The following HS6ST3 variants were observed in gnomAD, a reference collection of about 807,000 sequenced individuals.
HS6ST3 encodes the protein heparan-sulfate 6-O-sulfotransferase 3.
A neutral mutation model predicts 36.7 loss-of-function variants in HS6ST3; 12 were observed. The ratio of observed to expected loss-of-function variants is 0.33; its 90% CI spans 0.21 to 0.53. HS6ST3 has a LOEUF of 0.53. HS6ST3 is among the 20% of genes least tolerant of loss of function. The probability of loss-of-function intolerance (pLI) is 0.95; values close to 1 mark genes in which losing one functional copy is unlikely to be tolerated. For synonymous variants in HS6ST3, 240 were observed against 257.5 expected, an observed-to-expected ratio of 0.93 and a Z score of 0.65; for missense variants, 584 against 640.9, an observed-to-expected ratio of 0.91 and a Z score of 0.96.
chr13:96,507,925 G>A (rs2056033183), intron 1 of HS6ST3, among the ~76,000 whole-genome samples: 1 of 152,050 alleles, frequency 6.6e-6, no homozygotes, highest in East Asian at 1.9e-4. Context: ...AAATTCAGGT[G>A]GGTACTTTAC....
chr13:96,677,951 T>C lies in HS6ST3; in HGVS notation c.708-154539T>C, dbSNP rs187347470. Among the ~76,000 whole-genome samples, 9 of 152,278 alleles carry C rather than the reference T, an allele frequency of 5.9e-5. No homozygotes were observed. In the East Asian group the frequency reaches 1.4e-3, roughly 23 times the overall value. On this transcript the variant is annotated intron_variant, in intron 1 of 1. Coordinates refer to ENST00000376705, the MANE Select transcript of HS6ST3 (RefSeq NM_153456.4). ...ATACCATTTTTAATATGCATGTTCT[T>C]AGTCCATTTCATGCTGCTGTAACAG... is the stretch of plus-strand genomic sequence containing the variant.
intron 1 of HS6ST3, among the ~76,000 whole-genome samples, chr13:96,211,901 T>C (rs1483317029): frequency 6.6e-6 from 1 of 152,092 alleles, no homozygotes; most frequent in Admixed American, 6.6e-5. Context: ...CCCCAGAGGA[T>C]GAGATAAATG....
chr13:96,492,295 C>T (rs145615374), intron 1 of HS6ST3, among the ~76,000 whole-genome samples: 660 of 152,314 alleles, frequency 4.3e-3, no homozygotes, highest in Non-Finnish European at 5.9e-3. Flanking sequence ...ACTCTCAGTT[C>T]TCTCAGCCAA....
chr13:96,287,813 A>C (rs1331886073), intron 1 of HS6ST3, among the ~76,000 whole-genome samples: 1 of 152,128 alleles, frequency 6.6e-6, no homozygotes, highest in East Asian at 1.9e-4. Context: ...TAATGAAAAA[A>C]ATCATAGCAA....
chr13:96,636,069 T>C (rs1477114443), intron 1 of HS6ST3, among the ~76,000 whole-genome samples: 1 of 152,176 alleles, frequency 6.6e-6, no homozygotes, highest in Non-Finnish European at 1.5e-5. Flanking sequence ...AGGCACAGAC[T>C]ACTTCATCGA....
intron 1 of HS6ST3, among the ~76,000 whole-genome samples, chr13:96,294,253 A>T (rs2054843889): frequency 3.9e-5 from 6 of 152,178 alleles, no homozygotes; most frequent in Admixed American, 2.0e-4. Flanking sequence ...CCAATACAAC[A>T]TTTAGATTAA....
chr13:96,109,693 C>T (rs1469725204), intron 1 of HS6ST3, among the ~76,000 whole-genome samples: 1 of 152,044 alleles, frequency 6.6e-6, no homozygotes, highest in Non-Finnish European at 1.5e-5. Context: ...GAAGGAAAGG[C>T]CTAGAAATGA....
chr13:96,640,388 C>A (rs2056566370), intron 1 of HS6ST3, among the ~76,000 whole-genome samples: 2 of 151,776 alleles, frequency 1.3e-5, no homozygotes, highest in South Asian at 4.2e-4. Flanking sequence ...TTGCTCATGT[C>A]TTTTGTCCAT....
intron 1 of HS6ST3, among the ~76,000 whole-genome samples, chr13:96,777,739 C>T (rs527932377): frequency 3.9e-5 from 6 of 152,178 alleles, no homozygotes; most frequent in South Asian, 2.1e-4. Context: ...ATGAAAATGG[C>T]GATACTGCCC....
chr13:96,510,297 G>C (rs895911928), intron 1 of HS6ST3, among the ~76,000 whole-genome samples: 11 of 151,914 alleles, frequency 7.2e-5, no homozygotes, highest in African/African-American at 2.4e-4. Context: ...GATTTTCTGG[G>C]TATACAGTCA....
intron 1 of HS6ST3, among the ~76,000 whole-genome samples, chr13:96,581,758 A>C (rs764196410): frequency 6.6e-6 from 1 of 152,198 alleles, no homozygotes; most frequent in Non-Finnish European, 1.5e-5. Flanking sequence ...AAGAGGAAAT[A>C]TGGATTCATG....
chr13:96,593,986 C>T (rs547946439), intron 1 of HS6ST3, among the ~76,000 whole-genome samples: 4 of 148,874 alleles, frequency 2.7e-5, no homozygotes, highest in East Asian at 2.0e-4. Flanking sequence ...GGTGGAATTT[C>T]GCTCTTGTTT....
Position 96,612,302 on chromosome 13 carries a change from C to A in HS6ST3, c.708-220188C>A, listed in dbSNP as rs576215894. ...TTTCATTTGGCTTCCCAGACCCCCA[C>A]TCTTTCTTGGTTTCCCCCAACCCCA... On this transcript the variant is annotated intron_variant, in intron 1 of 1. Coordinates refer to ENST00000376705, the MANE Select transcript of HS6ST3 (RefSeq NM_153456.4). Among the ~76,000 whole-genome samples, 5 of 152,144 alleles carry A rather than the reference C, an allele frequency of 3.3e-5. No individual in the cohort carries two copies. The South Asian group carries it at 1.0e-3, about 32-fold the overall frequency.
At chr13:96,206,409 A>G (rs781018477) in intron 1 of HS6ST3, among the ~76,000 whole-genome samples, 6 of 152,218 alleles carry the variant, frequency 3.9e-5, no homozygotes, top group Admixed American at 6.5e-5. Context: ...ATTCAATGCT[A>G]TTCTCATTAA....
chr13:96,501,036 A>G (rs897181731), intron 1 of HS6ST3, among the ~76,000 whole-genome samples: 2 of 152,008 alleles, frequency 1.3e-5, no homozygotes, highest in African/African-American at 2.4e-5. Context: ...GCAAGAGGAG[A>G]TGGGTAGGAT....
chr13:96,426,909 G>C (rs2055589624), intron 1 of HS6ST3, among the ~76,000 whole-genome samples: 1 of 152,246 alleles, frequency 6.6e-6, no homozygotes, highest in East Asian at 1.9e-4. Context: ...GTTCTGTTCT[G>C]TATAACATTA....
intron 1 of HS6ST3, among the ~76,000 whole-genome samples, chr13:96,227,674 G>A (rs1340602324): frequency 6.6e-6 from 1 of 152,156 alleles, no homozygotes; most frequent in East Asian, 1.9e-4. Flanking sequence ...TCCAATCTAT[G>A]AGTCATATTT....
At chr13:96,543,273 G>A (rs2056185068) in intron 1 of HS6ST3, among the ~76,000 whole-genome samples, 1 of 152,148 alleles carries the variant, frequency 6.6e-6, no homozygotes, top group Non-Finnish European at 1.5e-5. Context: ...AGGTCTGATT[G>A]GGTCAAGGTT....
At chr13:96,779,399 T>G (rs1026795573) in intron 1 of HS6ST3, among the ~76,000 whole-genome samples, 1 of 152,074 alleles carries the variant, frequency 6.6e-6, no homozygotes, top group Non-Finnish European at 1.5e-5. Flanking sequence ...ATTTGTCCTA[T>G]GGGAATGGGC....
Sources: allele counts gnomAD v4.1 joint callset (sites outside exome capture counted in the v4.1 genomes callset), GRCh38; gene constraint gnomAD v4.1.1; transcripts MANE v1.5; gene names NCBI Gene and HGNC (gene_info 2026-07-23, HGNC 2026-07-21).